UBASH3B: variants seen among roughly 807,000 people sequenced by gnomAD.
UBASH3B encodes the protein ubiquitin associated and SH3 domain containing B.
UBASH3B carries 37 observed loss-of-function variants against 83.4 expected under a neutral mutation model. The ratio of observed to expected loss-of-function variants is 0.44; its 90% CI spans 0.34 to 0.58. The LOEUF is 0.58. UBASH3B is among the 20% of genes least tolerant of loss of function. UBASH3B has a pLI of 0.01. For synonymous variants in UBASH3B, 304 were observed against 318.3 expected (o/e 0.96, Z 0.48); for missense variants, 657 against 827.2 (o/e 0.79, Z 2.52).
chr11:122,696,271 G>A (rs1863963661), intron 1 of UBASH3B, among the ~76,000 whole-genome samples: 1 of 151,760 alleles, frequency 6.6e-6, no homozygotes, highest in Non-Finnish European at 1.5e-5. Flanking sequence ...TTAATTTCTC[G>A]GTAATAAGCC....
At chr11:122,678,365 T>G (rs1863693581) in intron 1 of UBASH3B, among the ~76,000 whole-genome samples, 1 of 152,180 alleles carries the variant, frequency 6.6e-6, no homozygotes, top group South Asian at 2.1e-4. Flanking sequence ...CTGCCCTTCT[T>G]TCCATTGTGG....
chr11:122,753,846 T>A (rs1043339297), intron 1 of UBASH3B, among the ~76,000 whole-genome samples: 1 of 152,146 alleles, frequency 6.6e-6, no homozygotes, highest in Admixed American at 6.5e-5. Flanking sequence ...AGGATTAACA[T>A]GCCTTCACCA....
intron 1 of UBASH3B, among the ~76,000 whole-genome samples, chr11:122,719,087 T>G (rs1051124796): frequency 1.3e-5 from 2 of 152,312 alleles, no homozygotes; most frequent in Admixed American, 6.5e-5. Context: ...TAGCTGCTGT[T>G]CGAACAATCT....
intron 1 of UBASH3B, among the ~76,000 whole-genome samples, chr11:122,737,582 C>G (rs559524090): frequency 6.8e-6 from 1 of 146,382 alleles, no homozygotes; most frequent in East Asian, 2.0e-4. Flanking sequence ...CCTGAATTCT[C>G]CCAGCATTCT....
intron 1 of UBASH3B, among the ~76,000 whole-genome samples, chr11:122,766,268 C>T (rs931617222): frequency 6.6e-5 from 10 of 152,146 alleles, no homozygotes; most frequent in South Asian, 2.1e-4. Flanking sequence ...ATATAGTGGC[C>T]GGGCGCGGTG....
chr11:122,698,273 C>T (rs1863989684), intron 1 of UBASH3B, among the ~76,000 whole-genome samples: 1 of 152,034 alleles, frequency 6.6e-6, no homozygotes. Flanking sequence ...CCCATACCCC[C>T]ATAGTCACGC....
At chr11:122,687,540 G>A (rs2135915232) in intron 1 of UBASH3B, among the ~76,000 whole-genome samples, 1 of 152,256 alleles carries the variant, frequency 6.6e-6, no homozygotes, top group Admixed American at 6.5e-5. Context: ...GATGAGTGAG[G>A]AGGGACCACG....
chr11:122,681,713 C>A (rs1374284838), intron 1 of UBASH3B, among the ~76,000 whole-genome samples: 1 of 148,356 alleles, frequency 6.7e-6, no homozygotes. Context: ...CACACACACA[C>A]AGGCACATGC....
Position 122,810,045 on chromosome 11 carries a change from T to C in UBASH3B, c.*159T>C, listed in dbSNP as rs1265018451. ...AGTTCTTAAGATGAGACTGTGTAAA[T>C]GAGAGAAAGACTTGATTCAGAGGAA... On this transcript the variant is annotated 3_prime_UTR_variant, in exon 14 of 14. Coordinates refer to ENST00000284273, the MANE Select transcript of UBASH3B (RefSeq NM_032873.5). 1.2e-6 allele frequency: 1 copy of C among 844,058 alleles called. No individual in the cohort carries two copies. The highest frequency in any genetic ancestry group is 1.8e-6 in the Non-Finnish European group (1 of 567,492). The allele number at this position is 844,058 out of a possible 1,614,324, so 52.3% of individuals were successfully genotyped here. A position where few individuals can be genotyped will look rare whatever the true frequency, so the allele number is the denominator to read the frequency against.
chr11:122,743,597 G>A (rs1861062925), intron 1 of UBASH3B, among the ~76,000 whole-genome samples: 1 of 152,160 alleles, frequency 6.6e-6, no homozygotes, highest in Admixed American at 6.5e-5. Flanking sequence ...TTAGCCTCAT[G>A]AAGCTGTCTT....
chr11:122,767,364 G>A (rs1254679805), intron 1 of UBASH3B, among the ~76,000 whole-genome samples: 1 of 151,516 alleles, frequency 6.6e-6, no homozygotes, highest in Non-Finnish European at 1.5e-5. Context: ...AGACTGGAGT[G>A]CAATGGCACG....
chr11:122,777,259 AGCC>A (rs1271323052), intron 3 of UBASH3B, 49 bp downstream of exon 3: 1 of 1,558,062 alleles, frequency 6.4e-7, no homozygotes, highest in African/African-American at 1.4e-5. Context: ...CTAGGATCCC[AGCC>A]GGCCCTTTGG....
intron 1 of UBASH3B, among the ~76,000 whole-genome samples, chr11:122,686,843 T>G (rs879738998): frequency 1.3e-5 from 2 of 152,054 alleles, no homozygotes; most frequent in Non-Finnish European, 2.9e-5. Flanking sequence ...AAGCCCTGTT[T>G]TTCGGTAAGT....
Position 122,796,891 on chromosome 11 carries a change from C to T in UBASH3B, c.1235-20C>T, listed in dbSNP as rs1861165968. The T allele has an allele frequency of 1.9e-6, 3 of 1,614,052 alleles. No homozygotes were observed. The highest frequency in any genetic ancestry group is 2.5e-6 in the Non-Finnish European group (3 of 1,180,030). ...AACAAGAAATGTATGTATCCTCTGTCTAACCTCTTTGTTTTTCAGGCCGCT... is the reference window on the plus strand; with the variant it reads ...AACAAGAAATGTATGTATCCTCTGTTTAACCTCTTTGTTTTTCAGGCCGCT... On this transcript the variant is annotated intron_variant, in intron 8 of 13. Transcript: ENST00000284273.
chr11:122,699,611 T>TGCACTA (rs1864016313), intron 1 of UBASH3B, among the ~76,000 whole-genome samples: 3 of 148,500 alleles, frequency 2.0e-5, no homozygotes, highest in Non-Finnish European at 4.4e-5. Context: ...TGAAACAAGG[T>TGCACTA]CTCCCTCTGC....
At chr11:122,668,456 G>A (rs965919815) in intron 1 of UBASH3B, among the ~76,000 whole-genome samples, 5 of 152,092 alleles carry the variant, frequency 3.3e-5, no homozygotes, top group Admixed American at 6.5e-5. Context: ...TAACCTGTCC[G>A]TAGGCCATGG....
chr11:122,796,393 G>A lies in UBASH3B; in HGVS notation c.1234+117G>A, dbSNP rs1861157803. 2.7e-6 allele frequency: 4 copies of A among 1,457,928 alleles called. No individual in the cohort carries two copies. In the South Asian group the frequency reaches 4.1e-5, roughly 15 times the overall value. 90.3% of individuals were successfully genotyped at this position (1,457,928 alleles called of 1,614,324 possible). ...CATAGTTTTGCGTACTATAGAAGAT[G>A]TCTGTCATGTGTAAGCCCCTCCTGA... On this transcript the variant is annotated intron_variant, in intron 8 of 13. Transcript: ENST00000284273.
chr11:122,686,381 C>A (rs1863808961), intron 1 of UBASH3B, among the ~76,000 whole-genome samples: 1 of 152,194 alleles, frequency 6.6e-6, no homozygotes. Context: ...TACAATTATT[C>A]TGAGAGGAAG....
chr11:122,662,061 T>C (rs1159207585), intron 1 of UBASH3B, among the ~76,000 whole-genome samples: 2 of 151,846 alleles, frequency 1.3e-5, no homozygotes, highest in Non-Finnish European at 2.9e-5. Context: ...GTATGTGCCA[T>C]CATGCCCAGC....
Sources: gnomAD v4.1 joint callset for allele counts (sites outside exome capture counted in the v4.1 genomes callset) on GRCh38, gnomAD v4.1.1 for gene constraint, MANE v1.5 for transcripts, NCBI Gene and HGNC (gene_info 2026-07-23, HGNC 2026-07-21) for gene names.